The following DEF6 variants were observed in gnomAD, a reference collection of about 807,000 sequenced individuals.
DEF6 encodes differentially expressed in FDCP 6 homolog.
DEF6 carries 32 observed loss-of-function variants against 80.5 expected under a neutral mutation model. That is an observed-to-expected ratio of 0.40 (90% CI 0.30 to 0.53). DEF6 has a LOEUF of 0.53. DEF6 is among the 20% of genes least tolerant of loss of function. The probability of loss-of-function intolerance (pLI) is 0.57; values close to 1 mark genes in which losing one functional copy is unlikely to be tolerated. For missense variants in DEF6, 575 were observed against 818.7 expected (o/e 0.70, Z 3.63); for synonymous variants, 300 against 337.9 (o/e 0.89, Z 1.23).
At chr6:35,305,062 G>A (rs1358085717) in intron 1 of DEF6, among the ~76,000 whole-genome samples, 2 of 144,716 alleles carry the variant, frequency 1.4e-5, no homozygotes, top group African/African-American at 2.5e-5. Flanking sequence ...TTCCTGCCTC[G>A]GCCTCCTAAA....
In DEF6 at chr6:35,318,302, G is replaced by T. The variant is rs992053969; in HGVS notation, c.1046G>T (p.Arg349Leu). 8 of 1,553,450 alleles carry T rather than the reference G, an allele frequency of 5.1e-6. No individual in the cohort carries two copies. In the Admixed American group the frequency reaches 1.2e-4, roughly 23 times the overall value. Residue 349 changes from arginine (R) to leucine (L), a missense_variant, in exon 7 of 11, where the codon CGG (arginine) becomes CTG (leucine). Coordinates refer to ENST00000316637, the MANE Select transcript of DEF6 (RefSeq NM_022047.4). The surrounding 1 kb of genome is among the most constrained non-coding windows in gnomAD (Gnocchi z 5.1). ...RRAAKEEELL[R>L]LQQLQEEKER... ...GCGGCCAAGGAAGAGGAGCTGCTGC[G>T]GCTGCAGCAGCTGCAGGAGGAGAAG...
chr6:35,310,430 A>G (rs113887808), intron 2 of DEF6, 29 bp from the exon 3 acceptor site: 1 of 1,607,884 alleles, frequency 6.2e-7, no homozygotes. Context: ...TGAGATATGC[A>G]GTCAGCTGAT....
At chr6:35,298,303 TG>T (rs948589891) in intron 1 of DEF6, among the ~76,000 whole-genome samples, 1 of 152,206 alleles carries the variant, frequency 6.6e-6, no homozygotes, top group African/African-American at 2.4e-5. Flanking sequence ...GAGTCATGCT[TG>T]GGCACGCAGT....
At chr6:35,313,294 G>C (rs371330827) in intron 5 of DEF6, 5 of 425,750 alleles carry the variant, frequency 1.2e-5, no homozygotes, top group South Asian at 8.6e-5. Context: ...TATTTTAAGC[G>C]TACAATTCAG....
chr6:35,301,050 G>A (rs1791307616), intron 1 of DEF6, among the ~76,000 whole-genome samples: 1 of 152,168 alleles, frequency 6.6e-6, no homozygotes, highest in Non-Finnish European at 1.5e-5. Context: ...GGGGAAGGGA[G>A]GGAGGGTAGA....
rs781536018 is a variant in DEF6, at chr6:35,318,274, C to T, written c.1018C>T (p.Arg340Trp). 49 of 1,569,390 alleles carry T rather than the reference C, an allele frequency of 3.1e-5. No homozygotes were observed. The highest frequency in any genetic ancestry group is 1.7e-4 in the Middle Eastern group (1 of 5,886). ...REQREQRERR[R>W]AAKEEELLRL... ...GCAGCGGGAGCAGCGGGAGCGGCGC[C>T]GGGCGGCCAAGGAAGAGGAGCTGCT... Residue 340 changes from arginine (R) to tryptophan (W), a missense_variant, in exon 7 of 11, where the codon CGG becomes TGG. Physicochemically the swap from Arg to Trp is moderately radical, Grantham distance 101. Transcript: ENST00000316637. This position sits in a 1 kb window ranked among gnomAD's most constrained non-coding sequence, Gnocchi z 5.1.
chr6:35,311,119 T>G (rs932844700), intron 3 of DEF6, among the ~76,000 whole-genome samples: 1 of 152,064 alleles, frequency 6.6e-6, no homozygotes, highest in Admixed American at 6.5e-5. Context: ...CAGGACAAAC[T>G]CAGCTAAGAG....
Position 35,310,517 on chromosome 6 carries a change from C to T in DEF6, c.296C>T (p.Ala99Val), listed in dbSNP as rs1249851912. Residue 99 changes from alanine (A) to valine (V), a missense_variant, in exon 3 of 11, where the codon GCC becomes GTC. Coordinates refer to ENST00000316637, the MANE Select transcript of DEF6 (RefSeq NM_022047.4). Reference sequence around the variant, plus strand: ...GATGAGCTGTGCTGGACGCTGACGGCCAAGAAGAACTATCGGGCAGATAGC... The same window carrying T: ...GATGAGCTGTGCTGGACGCTGACGGTCAAGAAGAACTATCGGGCAGATAGC... ...HFDELCWTLT[A>V]KKNYRADSNG... is the part of the protein sequence containing the mutation. 6.2e-7 allele frequency: 1 copy of T among 1,614,010 alleles called. No individual in the cohort carries two copies. Among genetic ancestry groups the T allele is most frequent in the Non-Finnish European group, 8.5e-7 (1 of 1,180,038 alleles).
chr6:35,317,825 C>G, intron 5 of DEF6, 66 bp from the exon 6 acceptor site: 1 of 1,449,282 alleles, frequency 6.9e-7, no homozygotes, highest in Non-Finnish European at 9.5e-7. Context: ...GCTGGAGCAC[C>G]CTTGGGGCAG....
chr6:35,321,307 C>G lies in DEF6; in HGVS notation c.1793C>G (p.Pro598Arg). The change falls in exon 11 of 11, where the codon CCC (proline) becomes CGC (arginine). Residue 598 changes from proline (P) to arginine (R), a missense_variant. Pro to Arg is a moderately radical substitution (Grantham distance 103, BLOSUM62 -2). Transcript: ENST00000316637. ...WGSQGNRTPS[P>R]NSNEQQKSLN... ...TCCCAGGGCAACAGGACCCCCTCGC[C>G]CAACAGCAATGAGCAGCAGAAGTCC... The G allele has an allele frequency of 6.2e-7, 1 of 1,614,128 alleles. No individual in the cohort carries two copies. The highest frequency in any genetic ancestry group is 8.5e-7 in the Non-Finnish European group (1 of 1,180,012).
chr6:35,305,364 C>T (rs1791375460), intron 1 of DEF6, among the ~76,000 whole-genome samples: 1 of 151,732 alleles, frequency 6.6e-6, no homozygotes, highest in African/African-American at 2.4e-5. Flanking sequence ...GTGACACATG[C>T]CTGTAGTCCC....
At chr6:35,320,807 C>A in intron 9 of DEF6, 77 bp from the exon 10 acceptor site, 1 of 1,337,568 alleles carries the variant, frequency 7.5e-7, no homozygotes, top group Non-Finnish European at 1.0e-6. Context: ...TTTAAGCAGC[C>A]TGCGAACCTG....
Position 35,321,610 on chromosome 6 carries a change from G to C in DEF6, c.*200G>C, listed in dbSNP as rs1562151674. Reference sequence around the variant, plus strand: ...CTCCAAGCCCCAGACCATGGGAGCTGTCTGGGATGTTGATCCTTGAGAACT... The same window carrying C: ...CTCCAAGCCCCAGACCATGGGAGCTCTCTGGGATGTTGATCCTTGAGAACT... On this transcript the variant is annotated 3_prime_UTR_variant, in exon 11 of 11. Transcript: ENST00000316637. 2.0e-6 allele frequency: 1 copy of C among 491,726 alleles called. No homozygotes were observed. Among genetic ancestry groups the C allele is most frequent in the Non-Finnish European group, 3.6e-6 (1 of 280,454 alleles). The allele number at this position is 491,726 out of a possible 1,614,324, so 30.5% of individuals were successfully genotyped here.
At chr6:35,305,333 T>G (rs1791374897) in intron 1 of DEF6, among the ~76,000 whole-genome samples, 1 of 150,624 alleles carries the variant, frequency 6.6e-6, no homozygotes, top group African/African-American at 2.4e-5. Flanking sequence ...ACAAAAAAAT[T>G]TTTTAACTTA....
chr6:35,307,501 G>T (rs1021494387), intron 1 of DEF6, among the ~76,000 whole-genome samples: 1 of 152,234 alleles, frequency 6.6e-6, no homozygotes, highest in Non-Finnish European at 1.5e-5. Context: ...GTCAGTGGAT[G>T]TTGGCATTAT....
chr6:35,301,457 C>G (rs1791313945), intron 1 of DEF6, among the ~76,000 whole-genome samples: 1 of 152,176 alleles, frequency 6.6e-6, no homozygotes, highest in Non-Finnish European at 1.5e-5. Context: ...GGGTTGATCA[C>G]CAAGCTGTCC....
Position 35,318,569 on chromosome 6 carries a change from C to T in DEF6, c.1215+98C>T, listed in dbSNP as rs1582234550. 49 of 1,223,162 alleles carry T rather than the reference C, an allele frequency of 4.0e-5. No homozygotes were observed. The South Asian group carries it at 7.6e-4, about 19-fold the overall frequency. 75.8% of individuals were successfully genotyped at this position (1,223,162 alleles called of 1,614,324 possible). On this transcript the variant is annotated intron_variant, in intron 7 of 10. Coordinates refer to ENST00000316637, the MANE Select transcript of DEF6 (RefSeq NM_022047.4). This position sits in a 1 kb window ranked among gnomAD's most constrained non-coding sequence, Gnocchi z 5.1. ...CGGGGCCTGGGCAGAGGGCGGAGCT[C>T]CTGGGTTGAGGGGCGTGCACTGGGG...
At chr6:35,316,581 A>T (rs868329796) in intron 5 of DEF6, among the ~76,000 whole-genome samples, 9 of 152,230 alleles carry the variant, frequency 5.9e-5, no homozygotes, top group African/African-American at 2.2e-4. Flanking sequence ...TGTTGCCTCT[A>T]TACCCAATAT....
In DEF6 at chr6:35,312,511, G is replaced by A; in HGVS notation, c.633G>A (p.Gln211=). The change falls in exon 4 of 11, where the codon CAG becomes CAA. Residue 211 remains glutamine, a synonymous_variant. Coordinates refer to ENST00000316637, the MANE Select transcript of DEF6 (RefSeq NM_022047.4). The surrounding 1 kb of genome is among the most constrained non-coding windows in gnomAD (Gnocchi z 6.6). ...TLSMAIHEVY[Q]ELIQDVLKQG... is the part of the protein sequence containing the mutation. ...GCATGGCCATCCACGAGGTCTACCA[G>A]GAGCTCATCCAAGATGTCCTGAAGC... 6.2e-7 allele frequency: 1 copy of A among 1,614,166 alleles called. No homozygotes were observed. Among genetic ancestry groups the A allele is most frequent in the Admixed American group, 1.7e-5 (1 of 60,028 alleles).
Sources: gnomAD v4.1 joint callset for allele counts (sites outside exome capture counted in the v4.1 genomes callset) on GRCh38, gnomAD v4.1.1 for gene constraint, Gnocchi (gnomAD v3.1) non-coding constraint, MANE v1.5 for transcripts, NCBI Gene and HGNC (gene_info 2026-07-23, HGNC 2026-07-21) for gene names.